The following SYNCRIP variants were observed in gnomAD, a reference collection of about 807,000 sequenced individuals.
The protein encoded by SYNCRIP is heterogeneous nuclear ribonucleoprotein Q.
In SYNCRIP, 9 loss-of-function variants were observed where a neutral mutation model predicts 68.9. The observed-to-expected ratio is 0.13, with a 90% CI of 0.08 to 0.23. SYNCRIP has a LOEUF of 0.23. SYNCRIP is among the 10% of genes least tolerant of loss of function. The pLI, the probability that SYNCRIP is intolerant of heterozygous loss-of-function variation, is 1.00. For synonymous variants in SYNCRIP, 258 were observed against 254.0 expected, an observed-to-expected ratio of 1.02 and a Z score of -0.15; for missense variants, 414 against 770.6, an observed-to-expected ratio of 0.54 and a Z score of 5.48.
rs768893538 is a variant in SYNCRIP at position 85,615,021 on chromosome 6, C to T, written c.1607G>A (p.Arg536Gln). 33 of 1,613,912 alleles carry T rather than the reference C, an allele frequency of 2.0e-5. No individual in the cohort carries two copies. The highest frequency in any genetic ancestry group is 2.7e-5 in the Non-Finnish European group (32 of 1,179,926). Residue 536 changes from arginine (R) to glutamine (Q), a missense_variant, in exon 11 of 11, where the codon CGA becomes CAA. Arg to Gln is a conservative substitution (Grantham distance 43). Coordinates refer to ENST00000369622, the MANE Select transcript of SYNCRIP (RefSeq NM_006372.5). Reference sequence around the variant, plus strand: ...TTGTTGGGCACCTCCTCTCGCACCTCGAACGCCTCTTGCTGATCCAGGACC... The same window carrying T: ...TTGTTGGGCACCTCCTCTCGCACCTTGAACGCCTCTTGCTGATCCAGGACC... ...RGGPGSARGV[R>Q]GARGGAQQQR...
At chr6:85,611,991 C>G (rs1031696736), downstream of SYNCRIP, 6 of 152,160 alleles carry the variant, frequency 3.9e-5, no homozygotes, top group Non-Finnish European at 8.8e-5. Flanking sequence ...TGATGTCTTA[C>G]AAAAGTAACA....
At chr6:85,627,014 C>A (rs1807118092) in intron 6 of SYNCRIP, among the ~76,000 whole-genome samples, 1 of 152,140 alleles carries the variant, frequency 6.6e-6, no homozygotes, top group African/African-American at 2.4e-5. Flanking sequence ...GCCTGTACTC[C>A]TAGCATTTTG....
At chr6:85,640,594 A>G (rs1377086960) in intron 2 of SYNCRIP, 30 bp from the exon 3 acceptor site, 7 of 1,413,742 alleles carry the variant, frequency 5.0e-6, no homozygotes, top group Middle Eastern at 2.5e-4. Flanking sequence ...TCAGCTTTTA[A>G]TATTTTTAGA....
intron 6 of SYNCRIP, among the ~76,000 whole-genome samples, chr6:85,634,069 C>A (rs1455031242): frequency 6.6e-6 from 1 of 152,108 alleles, no homozygotes; most frequent in Non-Finnish European, 1.5e-5. Context: ...TTAATTCCTA[C>A]GCCAATCAAA....
At chr6:85,640,086 A>T in intron 4 of SYNCRIP, 135 bp downstream of exon 4, 1 of 660,856 alleles carries the variant, frequency 1.5e-6, no homozygotes, top group Non-Finnish European at 2.6e-6. Flanking sequence ...AAAAAACTTA[A>T]AAAAAGGAAT....
At chr6:85,634,365 G>A (rs775753608) in intron 6 of SYNCRIP, among the ~76,000 whole-genome samples, 1 of 152,014 alleles carries the variant, frequency 6.6e-6, no homozygotes, top group Non-Finnish European at 1.5e-5. Context: ...ACATTTTGAC[G>A]GCAAGAATTA....
chr6:85,627,123 C>T (rs1022221632), intron 6 of SYNCRIP, among the ~76,000 whole-genome samples: 6 of 151,956 alleles, frequency 3.9e-5, no homozygotes, highest in Non-Finnish European at 7.4e-5. Flanking sequence ...AAGAAATTAG[C>T]CGGGAGTGGT....
At chr6:85,620,183 T>C (rs1046776342) in intron 8 of SYNCRIP, among the ~76,000 whole-genome samples, 3 of 152,092 alleles carry the variant, frequency 2.0e-5, no homozygotes, top group African/African-American at 7.2e-5. Flanking sequence ...GAGGCAGAGG[T>C]TGCAGTAAGC....
rs572682531 is a variant in SYNCRIP at position 85,620,378 on chromosome 6, T to A, written c.1009-961A>T. Among the ~76,000 whole-genome samples, 4 of 152,300 alleles carry A rather than the reference T, an allele frequency of 2.6e-5. No homozygotes were observed. In the South Asian group the frequency reaches 8.3e-4, roughly 32 times the overall value. ...ACTAGTTAAAAGCCACAAAATGACATAGAAGAACTTTAAATATGTATTACT... is the reference window on the plus strand; with the variant it reads ...ACTAGTTAAAAGCCACAAAATGACAAAGAAGAACTTTAAATATGTATTACT... On this transcript the variant is annotated intron_variant, in intron 8 of 10. Coordinates refer to ENST00000369622, the MANE Select transcript of SYNCRIP (RefSeq NM_006372.5).
downstream of SYNCRIP, chr6:85,612,780 T>C (rs750504040): frequency 2.6e-5 from 33 of 1,266,570 alleles, no homozygotes; most frequent in Non-Finnish European, 3.2e-5. Context: ...TCTTCTGCAA[T>C]AGAATATGCT....
At chr6:85,623,442 TA>T (rs1806646927) in intron 7 of SYNCRIP, among the ~76,000 whole-genome samples, 1 of 150,558 alleles carries the variant, frequency 6.6e-6, no homozygotes, top group African/African-American at 2.4e-5. Context: ...TGCGCGCCTG[TA>T]ATCCCAGCTA....
chr6:85,612,861 T>C, downstream of SYNCRIP: 1 of 1,550,168 alleles, frequency 6.5e-7, no homozygotes, highest in Non-Finnish European at 8.7e-7. Context: ...TCTGGTGTAA[T>C]CCCACATAGC....
intron 1 of SYNCRIP, among the ~76,000 whole-genome samples, chr6:85,642,076 C>T (rs1453314987): frequency 1.3e-5 from 2 of 152,224 alleles, no homozygotes; most frequent in Admixed American, 1.3e-4. Context: ...CCCAACGAAT[C>T]CCAAACCAAG....
chr6:85,631,499 T>C (rs1807785480), intron 6 of SYNCRIP, among the ~76,000 whole-genome samples: 1 of 152,196 alleles, frequency 6.6e-6, no homozygotes, highest in East Asian at 1.9e-4. Context: ...TAATTGATGT[T>C]GCCAAATATA....
In SYNCRIP at chr6:85,614,567, TTAAAAA is replaced by T; in HGVS notation, c.*183_*188del. The T allele has an allele frequency of 7.8e-7, 1 of 1,287,372 alleles. No homozygotes were observed. The highest frequency in any genetic ancestry group is 9.8e-7 in the Non-Finnish European group (1 of 1,020,216). The allele number at this position is 1,287,372 out of a possible 1,614,324, so 79.7% of individuals were successfully genotyped here. The stretch of plus-strand genomic sequence containing the variant: ...CTAAGAATATCTTTATTGAAAAAAA[TTAAAAA>T]TAAAATCAGTTCGCCAGAAGCAGTT... On this transcript the variant is annotated 3_prime_UTR_variant, in exon 11 of 11. Coordinates refer to ENST00000369622, the MANE Select transcript of SYNCRIP (RefSeq NM_006372.5).
intron 9 of SYNCRIP, 49 bp downstream of exon 9, chr6:85,619,219 A>G (rs866048053): frequency 6.3e-7 from 1 of 1,594,170 alleles, no homozygotes; most frequent in Non-Finnish European, 8.5e-7. Context: ...TTCTAAAATG[A>G]CTAAATTTGT....
intron 6 of SYNCRIP, among the ~76,000 whole-genome samples, chr6:85,633,023 C>T (rs1269901967): frequency 1.3e-5 from 2 of 151,836 alleles, no homozygotes; most frequent in East Asian, 1.9e-4. Flanking sequence ...GAAGCCAAGG[C>T]GGGTGAATCA....
Position 85,614,129 on chromosome 6 carries a change from A to C in SYNCRIP, c.*627T>G. 1.0e-6 allele frequency: 1 copy of C among 985,866 alleles called. No individual in the cohort carries two copies. The highest frequency in any genetic ancestry group is 1.2e-6 in the Non-Finnish European group (1 of 829,920). 61.1% of individuals were successfully genotyped at this position (985,866 alleles called of 1,614,324 possible). ...AATTAACAAGGCACAAAACCCTTTAATTGGCCTTGACATGCTATACAATTT... is the reference window on the plus strand; with the variant it reads ...AATTAACAAGGCACAAAACCCTTTACTTGGCCTTGACATGCTATACAATTT... On this transcript the variant is annotated 3_prime_UTR_variant, in exon 11 of 11. Transcript: ENST00000369622.
chr6:85,636,892 T>C, intron 6 of SYNCRIP, 75 bp downstream of exon 6: 3 of 1,434,602 alleles, frequency 2.1e-6, no homozygotes, highest in East Asian at 2.3e-5. Context: ...GGTAAACTCT[T>C]AGGCACACTA....
Sources: gnomAD v4.1 joint callset for allele counts (sites outside exome capture counted in the v4.1 genomes callset) on GRCh38, gnomAD v4.1.1 for gene constraint, MANE v1.5 for transcripts, NCBI Gene and HGNC (gene_info 2026-07-23, HGNC 2026-07-21) for gene names.